SCFD2: variants seen among roughly 807,000 people sequenced by gnomAD.
SCFD2 encodes sec1 family domain-containing protein 2.
In SCFD2, 54 loss-of-function variants were observed where a neutral mutation model predicts 58.9. The ratio of observed to expected loss-of-function variants is 0.92; its 90% confidence interval spans 0.74 to 1.15. SCFD2 has a LOEUF of 1.15. SCFD2 is among the 50% of genes most tolerant of loss of function. SCFD2 has a pLI of 0.00. For synonymous variants in SCFD2, 321 were observed against 335.9 expected (o/e 0.96, Z 0.49); for missense variants, 805 against 836.6 (o/e 0.96, Z 0.47).
At chr4:52,902,785 C>G (rs1320507830) in intron 7 of SCFD2, among the ~76,000 whole-genome samples, 9 of 152,204 alleles carry the variant, frequency 5.9e-5, no homozygotes. Context: ...AAGATGTGCC[C>G]AAGGTCACAT....
At chr4:52,897,947 G>T (rs569929283) in intron 7 of SCFD2, among the ~76,000 whole-genome samples, 1 of 152,302 alleles carries the variant, frequency 6.6e-6, no homozygotes, top group East Asian at 1.9e-4. Flanking sequence ...TTGCGCAGAG[G>T]TGTTTATAGT....
At position 53,224,089 on chromosome 4, in the gene SCFD2, T is replaced by C. The variant is rs373905425; in HGVS notation, c.1311+49737A>G. 1.8e-4 allele frequency among the ~76,000 whole-genome samples: 27 copies of C among 152,146 alleles called. No homozygotes were observed. The South Asian group carries it at 5.2e-3, about 29-fold the overall frequency. ...ACTTTCTGGAACTTTCAAGGCTAGG[T>C]GATAAAAAGTCTTACATTTGGCTGG... is the stretch of plus-strand genomic sequence containing the variant. On this transcript the variant is annotated intron_variant, in intron 4 of 8. Transcript: ENST00000401642.
At chr4:53,222,975 G>A (rs577455446) in intron 4 of SCFD2, among the ~76,000 whole-genome samples, 40 of 152,058 alleles carry the variant, frequency 2.6e-4, no homozygotes, top group Admixed American at 4.6e-4. Context: ...AAAAGAGCAC[G>A]GACTGGTCAC....
At chr4:53,302,780 C>T (rs1455515236) in intron 3 of SCFD2, among the ~76,000 whole-genome samples, 1 of 152,080 alleles carries the variant, frequency 6.6e-6, no homozygotes, top group Non-Finnish European at 1.5e-5. Flanking sequence ...AGAACAGAGC[C>T]CTCAGAAATA....
chr4:53,202,384 T>C (rs1165675644), intron 4 of SCFD2, among the ~76,000 whole-genome samples: 1 of 151,914 alleles, frequency 6.6e-6, no homozygotes, highest in Non-Finnish European at 1.5e-5. Context: ...CATTGGTCTA[T>C]ATCTCTGTTT....
chr4:52,921,188 C>T (rs927479871), intron 5 of SCFD2, among the ~76,000 whole-genome samples: 4 of 152,042 alleles, frequency 2.6e-5, no homozygotes, highest in East Asian at 1.9e-4. Context: ...CCATAATCCT[C>T]GGAACACGAC....
rs571005184 is a variant in SCFD2, at chr4:53,239,767, T to C, written c.1311+34059A>G. 2.7e-3 allele frequency among the ~76,000 whole-genome samples: 411 copies of C among 152,296 alleles called. 2 individuals are homozygous for C. Among genetic ancestry groups the C allele is most frequent in the Non-Finnish European group, 4.9e-3 (330 of 68,012 alleles). Reference sequence around the variant, plus strand: ...CTGGGATTACAGGCATGAGGCACCATGCCCGGCCTTTGTTTAACACTTAAA... The same window carrying C: ...CTGGGATTACAGGCATGAGGCACCACGCCCGGCCTTTGTTTAACACTTAAA... On this transcript the variant is annotated intron_variant, in intron 4 of 8. Coordinates refer to ENST00000401642, the MANE Select transcript of SCFD2 (RefSeq NM_152540.4).
chr4:53,113,479 G>A (rs1230534743), intron 5 of SCFD2, among the ~76,000 whole-genome samples: 4 of 152,052 alleles, frequency 2.6e-5, no homozygotes, highest in Non-Finnish European at 5.9e-5. Flanking sequence ...CAAGAAATAA[G>A]TTTTCATTGT....
chr4:52,875,944 C>T (rs762836930), intron 8 of SCFD2, among the ~76,000 whole-genome samples: 3 of 149,382 alleles, frequency 2.0e-5, no homozygotes, highest in Non-Finnish European at 4.5e-5. Flanking sequence ...ATGCAAGGAG[C>T]CTTTGAGGAC....
intron 5 of SCFD2, among the ~76,000 whole-genome samples, chr4:53,036,534 T>A (rs1722764484): frequency 1.3e-5 from 2 of 150,708 alleles, no homozygotes; most frequent in African/African-American, 4.9e-5. Flanking sequence ...TAAGTTCATG[T>A]CCTTTGCAGG....
intron 4 of SCFD2, among the ~76,000 whole-genome samples, chr4:53,239,662 T>C (rs1729828702): frequency 6.6e-6 from 1 of 152,144 alleles, no homozygotes; most frequent in South Asian, 2.1e-4. Context: ...TTTTGTATTT[T>C]TTAGTAGAGA....
intron 5 of SCFD2, among the ~76,000 whole-genome samples, chr4:53,091,959 T>C (rs891307739): frequency 2.6e-5 from 4 of 152,140 alleles, no homozygotes; most frequent in African/African-American, 9.6e-5. Flanking sequence ...CTTAAAGAAA[T>C]ATAAATCTTC....
chr4:52,914,282 G>A (rs913140704), intron 6 of SCFD2, among the ~76,000 whole-genome samples: 2 of 152,126 alleles, frequency 1.3e-5, no homozygotes, highest in African/African-American at 4.8e-5. Context: ...TGAGTATAAT[G>A]ATTCTTGAAT....
chr4:52,878,810 T>C (rs1718539131), intron 8 of SCFD2, among the ~76,000 whole-genome samples: 1 of 152,160 alleles, frequency 6.6e-6, no homozygotes, highest in African/African-American at 2.4e-5. Context: ...CCATGGGTGA[T>C]GCTCAATGCT....
rs1245675878 is a variant in SCFD2 at position 53,238,771 on chromosome 4, G to A, written c.1311+35055C>T. Among the ~76,000 whole-genome samples, 19 of 151,462 alleles carry A rather than the reference G, an allele frequency of 1.3e-4. No homozygotes were observed. The South Asian group carries it at 2.9e-3, about 23-fold the overall frequency. The stretch of plus-strand genomic sequence containing the variant: ...CCACATCTCAGACGATGGGCGGCCG[G>A]GCAGAGACGCTCCTCACTTCCTAGA... On this transcript the variant is annotated intron_variant, in intron 4 of 8. Coordinates refer to ENST00000401642, the MANE Select transcript of SCFD2 (RefSeq NM_152540.4).
At position 53,214,278 on chromosome 4, in the gene SCFD2, T is replaced by G. The variant is rs554310452; in HGVS notation, c.1311+59548A>C. Among the ~76,000 whole-genome samples, 19 of 152,260 alleles carry G rather than the reference T, an allele frequency of 1.2e-4. No homozygotes were observed. In the South Asian group the frequency reaches 3.9e-3, roughly 32 times the overall value. ...CTAGTTTACAATCCCACCAACAGTG[T>G]AAAAGTGTTGCTATTTCTCCACATC... On this transcript the variant is annotated intron_variant, in intron 4 of 8. Transcript: ENST00000401642.
At chr4:53,141,925 C>A (rs1726178848) in intron 5 of SCFD2, among the ~76,000 whole-genome samples, 1 of 152,128 alleles carries the variant, frequency 6.6e-6, no homozygotes, top group African/African-American at 2.4e-5. Context: ...TGCTGCCCAC[C>A]AACACCGAGG....
At chr4:53,156,640 G>A (rs1368452493) in intron 4 of SCFD2, among the ~76,000 whole-genome samples, 4 of 152,200 alleles carry the variant, frequency 2.6e-5, no homozygotes, top group East Asian at 1.9e-4. Context: ...GGAGCTTGCC[G>A]TGAGCCGAGA....
intron 5 of SCFD2, chr4:52,949,499 A>C (rs1171496135): frequency 6.6e-6 from 1 of 152,058 alleles, no homozygotes; most frequent in Non-Finnish European, 1.5e-5. Flanking sequence ...CATTATTTTC[A>C]TTTTTGACTT....
Sources: allele counts gnomAD v4.1 joint callset (sites outside exome capture counted in the v4.1 genomes callset), GRCh38; gene constraint gnomAD v4.1.1; transcripts MANE v1.5; gene names NCBI Gene and HGNC (gene_info 2026-07-23, HGNC 2026-07-21).